Variants in ZFPM2 observed in about 807,000 individuals in gnomAD.
The protein encoded by ZFPM2 is zinc finger protein, FOG family member 2.
ZFPM2 carries 20 observed loss-of-function variants against 98.6 expected under a neutral mutation model. That is an observed-to-expected ratio of 0.20 (90% CI 0.14 to 0.29). ZFPM2 has a LOEUF of 0.29. ZFPM2 is among the 10% of genes least tolerant of loss of function. The pLI, the probability that ZFPM2 is intolerant of heterozygous loss-of-function variation, is 1.00. For missense variants in ZFPM2, 1,310 were observed against 1,388.6 expected (o/e 0.94, Z 0.90); for synonymous variants, 518 against 502.7 (o/e 1.03, Z -0.41).
chr8:105,776,785 G>A (rs540277539), intron 5 of ZFPM2, among the ~76,000 whole-genome samples: 1 of 152,174 alleles, frequency 6.6e-6, no homozygotes, highest in South Asian at 2.1e-4. Flanking sequence ...AGTGAATAGG[G>A]AACTAACTAC....
chr8:105,741,610 A>G (rs548909723), intron 5 of ZFPM2, among the ~76,000 whole-genome samples: 1 of 152,204 alleles, frequency 6.6e-6, no homozygotes, highest in East Asian at 1.9e-4. Context: ...GGGAGTGGAA[A>G]CTAAGTTCTG....
intron 4 of ZFPM2, among the ~76,000 whole-genome samples, chr8:105,622,067 T>C (rs992316776): frequency 1.3e-5 from 2 of 151,932 alleles, no homozygotes; most frequent in Non-Finnish European, 2.9e-5. Flanking sequence ...TATTACTAAT[T>C]GGAATTATTT....
At chr8:105,376,177 T>A (rs890446679) in intron 1 of ZFPM2, among the ~76,000 whole-genome samples, 1 of 152,168 alleles carries the variant, frequency 6.6e-6, no homozygotes, top group Admixed American at 6.5e-5. Context: ...CCTAGCATCA[T>A]TCAGCAAAGT....
intron 5 of ZFPM2, among the ~76,000 whole-genome samples, chr8:105,634,706 G>A (rs1208023581): frequency 6.6e-6 from 1 of 152,148 alleles, no homozygotes; most frequent in South Asian, 2.1e-4. Flanking sequence ...CTATCAAAAA[G>A]TAAAATCCTT....
intron 4 of ZFPM2, among the ~76,000 whole-genome samples, chr8:105,578,361 A>G (rs1554618811): frequency 6.6e-6 from 1 of 152,070 alleles, no homozygotes; most frequent in Non-Finnish European, 1.5e-5. Context: ...TATTTTAGCT[A>G]ATCAGTTACT....
chr8:105,330,583 T>TATATATATATATATAC (rs1563606682), intron 1 of ZFPM2, among the ~76,000 whole-genome samples: 3 of 42,260 alleles, frequency 7.1e-5, no homozygotes, highest in Admixed American at 3.6e-4. Context: ...TATATATACA[T>TATATATATATATATAC]ATATATATAT....
chr8:105,445,660 A>G lies in ZFPM2; in HGVS notation c.301+1279A>G, dbSNP rs186524241. On this transcript the variant is annotated intron_variant, in intron 3 of 7. Coordinates refer to ENST00000407775, the MANE Select transcript of ZFPM2 (RefSeq NM_012082.4). ...CACTCTGTTGCCCAGTCTGGGGTGC[A>G]GTGGCATGATCTTGGCTCACTGCAG... Among the ~76,000 whole-genome samples, 950 of 151,704 alleles carry G rather than the reference A, an allele frequency of 6.3e-3. 9 individuals carry two copies. The highest frequency in any genetic ancestry group is 0.022 in the African/African-American group (908 of 41,362).
At chr8:105,345,109 A>G (rs1009881198) in intron 1 of ZFPM2, among the ~76,000 whole-genome samples, 2 of 152,174 alleles carry the variant, frequency 1.3e-5, no homozygotes, top group Admixed American at 1.3e-4. Context: ...GAGGATGTCA[A>G]TACACTTTTA....
At chr8:105,528,841 T>C (rs866329750) in intron 3 of ZFPM2, 1 of 152,172 alleles carries the variant, frequency 6.6e-6, no homozygotes, top group Non-Finnish European at 1.5e-5. Context: ...TACCATGATA[T>C]TCAGCCACAT....
chr8:105,558,313 A>G (rs1348406763), intron 3 of ZFPM2, among the ~76,000 whole-genome samples: 2 of 152,178 alleles, frequency 1.3e-5, no homozygotes, highest in Non-Finnish European at 2.9e-5. Flanking sequence ...ATTTTTATTT[A>G]ACTGTTTCAG....
intron 1 of ZFPM2, among the ~76,000 whole-genome samples, chr8:105,372,197 C>G (rs1810637458): frequency 6.6e-6 from 1 of 152,026 alleles, no homozygotes; most frequent in Non-Finnish European, 1.5e-5. Flanking sequence ...CACCTGCCAA[C>G]AGGCCTGGCT....
intron 4 of ZFPM2, among the ~76,000 whole-genome samples, chr8:105,588,948 C>T (rs1188825608): frequency 4.6e-5 from 7 of 152,204 alleles, no homozygotes; most frequent in African/African-American, 9.7e-5. Context: ...AGAGGAAATG[C>T]GTGATCTATA....
chr8:105,322,100 T>C (rs1056868326), intron 1 of ZFPM2, among the ~76,000 whole-genome samples: 7 of 152,242 alleles, frequency 4.6e-5, no homozygotes, highest in Admixed American at 4.6e-4. Context: ...AAAGCCCTGA[T>C]AGGACGGGAG....
At chr8:105,712,273 G>A (rs1811419124) in intron 5 of ZFPM2, among the ~76,000 whole-genome samples, 2 of 152,060 alleles carry the variant, frequency 1.3e-5, no homozygotes, top group African/African-American at 4.8e-5. Flanking sequence ...TGCAGCATAA[G>A]CATTGTCACA....
chr8:105,493,743 G>A (rs2622637), intron 3 of ZFPM2, among the ~76,000 whole-genome samples: 3 of 151,882 alleles, frequency 2.0e-5, no homozygotes, highest in Non-Finnish European at 4.4e-5. Context: ...CAGTTAATCT[G>A]TCCACTGACA....
chr8:105,561,358 T>C lies in ZFPM2; in HGVS notation c.302-5T>C, dbSNP rs763335389. 3.1e-6 allele frequency: 5 copies of C among 1,611,612 alleles called. No individual in the cohort carries two copies. Among genetic ancestry groups the C allele is most frequent in the Non-Finnish European group, 4.2e-6 (5 of 1,178,212 alleles). ...TTCTAAACACTTCTGTTCCTTTGTC[T>C]GCAGGAGAGCTGGAGGTGTTTCAGA... is the stretch of plus-strand genomic sequence containing the variant. On this transcript the variant is annotated splice_region_variant and splice_polypyrimidine_tract_variant and intron_variant, in intron 3 of 7. Transcript: ENST00000407775.
chr8:105,674,603 T>A (rs529898419), intron 5 of ZFPM2, among the ~76,000 whole-genome samples: 2 of 152,300 alleles, frequency 1.3e-5, no homozygotes, highest in Admixed American at 6.5e-5. Context: ...TATGTAATCA[T>A]CTTGTAATGA....
intron 5 of ZFPM2, among the ~76,000 whole-genome samples, chr8:105,736,952 T>C (rs1205509349): frequency 2.0e-5 from 3 of 152,074 alleles, no homozygotes; most frequent in Non-Finnish European, 4.4e-5. Flanking sequence ...GACTCATTAA[T>C]AGTTCATAGT....
chr8:105,773,001 G>A (rs552816229), intron 5 of ZFPM2, among the ~76,000 whole-genome samples: 4 of 152,290 alleles, frequency 2.6e-5, no homozygotes, highest in South Asian at 4.1e-4. Context: ...AAGTTGTTTA[G>A]TCAGTTAACA....
Sources: allele counts gnomAD v4.1 joint callset (sites outside exome capture counted in the v4.1 genomes callset), GRCh38; gene constraint gnomAD v4.1.1; transcripts MANE v1.5; gene names NCBI Gene and HGNC (gene_info 2026-07-23, HGNC 2026-07-21).